Variants in XPNPEP1 observed in about 807,000 individuals in gnomAD.
XPNPEP1 encodes the protein X-prolyl aminopeptidase 1.
In XPNPEP1, 39 loss-of-function variants were observed where a neutral mutation model predicts 92.4. That is an observed-to-expected ratio of 0.42 (90% CI 0.33 to 0.55). XPNPEP1 has a LOEUF of 0.55. XPNPEP1 is among the 20% of genes least tolerant of loss of function. The probability of loss-of-function intolerance (pLI) is 0.08; values close to 1 mark genes in which losing one functional copy is unlikely to be tolerated. For missense variants in XPNPEP1, 654 were observed against 856.1 expected (o/e 0.76, Z 2.95); for synonymous variants, 307 against 299.4 (o/e 1.03, Z -0.26).
intron 3 of XPNPEP1, among the ~76,000 whole-genome samples, chr10:109,898,290 C>T (rs1849090708): frequency 6.6e-6 from 1 of 152,218 alleles, no homozygotes; most frequent in South Asian, 2.1e-4. Flanking sequence ...TGCCGAACAT[C>T]TGATGAACTG....
intron 16 of XPNPEP1, among the ~76,000 whole-genome samples, chr10:109,873,063 T>G (rs1164362964): frequency 6.6e-6 from 1 of 152,240 alleles, no homozygotes; most frequent in African/African-American, 2.4e-5. Context: ...AGCATGTATT[T>G]CACTCTCTCA....
intron 5 of XPNPEP1, among the ~76,000 whole-genome samples, chr10:109,889,917 C>A (rs541668137): frequency 1.3e-5 from 2 of 152,266 alleles, no homozygotes; most frequent in East Asian, 1.9e-4. Context: ...CTATTTGATT[C>A]TTTCCTATTT....
rs2133426482 is a variant in XPNPEP1, at chr10:109,887,698, A to G, written c.652+351T>C. Among the ~76,000 whole-genome samples the G allele has an allele frequency of 1.3e-5, 2 of 152,368 alleles. 1 individual carries two copies. Among genetic ancestry groups the G allele is most frequent in the South Asian group, 4.1e-4 (2 of 4,830 alleles). The stretch of plus-strand genomic sequence containing the variant: ...GTAAATCTACAAATGCTGACATAAG[A>G]AGGGAAATGGAACCTAGAAACCTCT... On this transcript the variant is annotated intron_variant, in intron 7 of 20. Transcript: ENST00000502935.
intron 1 of XPNPEP1, 98 bp from the exon 2 acceptor site, chr10:109,915,197 A>C (rs1001834748): frequency 1.7e-6 from 1 of 577,828 alleles, no homozygotes; most frequent in Admixed American, 3.9e-5. Flanking sequence ...CAGTTCTCTA[A>C]CATGAGTCAG....
chr10:109,881,910 C>G (rs1323503281), intron 10 of XPNPEP1, among the ~76,000 whole-genome samples: 1 of 152,198 alleles, frequency 6.6e-6, no homozygotes, highest in Non-Finnish European at 1.5e-5. Context: ...CCCCAATCCT[C>G]TCTGAGCCTC....
At chr10:109,912,149 T>A (rs1276910049) in intron 2 of XPNPEP1, among the ~76,000 whole-genome samples, 2 of 152,136 alleles carry the variant, frequency 1.3e-5, no homozygotes, top group African/African-American at 2.4e-5. Flanking sequence ...CACAGAATCA[T>A]CAGCTTTATC....
intron 8 of XPNPEP1, 29 bp downstream of exon 8, chr10:109,886,217 T>C (rs1848379636): frequency 6.2e-6 from 10 of 1,610,706 alleles, no homozygotes; most frequent in Non-Finnish European, 8.5e-6. Flanking sequence ...TCGGGTAACA[T>C]GCCCAAACAG....
At position 109,880,946 on chromosome 10, in the gene XPNPEP1, C is replaced by T; in HGVS notation, c.1042-15G>A. 1.9e-6 allele frequency: 3 copies of T among 1,610,936 alleles called. 1 individual carries two copies. In the South Asian group the frequency reaches 3.3e-5, roughly 18 times the overall value. On this transcript the variant is annotated splice_polypyrimidine_tract_variant and intron_variant, in intron 10 of 20. Coordinates refer to ENST00000502935, the MANE Select transcript of XPNPEP1 (RefSeq NM_020383.4). The stretch of plus-strand genomic sequence containing the variant: ...CAGCGGTGGTCCTAGAGGCAAAGGG[C>T]AGTAGGGTGGGAAATCAAACCGGCT...
intron 15 of XPNPEP1, chr10:109,873,656 C>T (rs1847612094): frequency 3.7e-6 from 2 of 533,442 alleles, no homozygotes; most frequent in Non-Finnish European, 6.7e-6. Flanking sequence ...TGAAAACATA[C>T]ATCCACACAA....
Position 109,870,583 on chromosome 10 carries a change from A to T in XPNPEP1, c.1696+148T>A. The T allele has an allele frequency of 2.9e-6, 3 of 1,029,678 alleles. No homozygotes were observed. The South Asian group carries it at 5.5e-5, about 19-fold the overall frequency. 63.8% of individuals were successfully genotyped at this position (1,029,678 alleles called of 1,614,324 possible). ...TCCCATCTCATTTTTTCTAAAATGA[A>T]CATGTATCAGTTCTATAATCAGAAA... On this transcript the variant is annotated intron_variant, in intron 18 of 20. Transcript: ENST00000502935.
At chr10:109,908,866 C>A (rs1356984541) in intron 2 of XPNPEP1, among the ~76,000 whole-genome samples, 3 of 152,172 alleles carry the variant, frequency 2.0e-5, no homozygotes, top group Admixed American at 2.0e-4. Context: ...GAAGAAAGTT[C>A]CGTCCACTAG....
intron 3 of XPNPEP1, among the ~76,000 whole-genome samples, chr10:109,906,023 G>A (rs1013795743): frequency 1.3e-5 from 2 of 152,292 alleles, no homozygotes; most frequent in African/African-American, 4.8e-5. Flanking sequence ...TGACCTTGTC[G>A]CAACCATGTA....
intron 12 of XPNPEP1, chr10:109,878,430 A>G: frequency 5.6e-6 from 1 of 179,702 alleles, no homozygotes. Context: ...GATTACTGAT[A>G]ACAGCAAAAA....
intron 2 of XPNPEP1, among the ~76,000 whole-genome samples, chr10:109,909,098 G>A (rs565546494): frequency 1.1e-4 from 17 of 152,158 alleles, no homozygotes; most frequent in African/African-American, 3.6e-4. Flanking sequence ...GTGAAGCCCC[G>A]TCTCTACTAA....
intron 12 of XPNPEP1, among the ~76,000 whole-genome samples, chr10:109,878,787 G>A (rs1275117304): frequency 2.0e-5 from 3 of 151,196 alleles, no homozygotes; most frequent in East Asian, 1.9e-4. Flanking sequence ...GAGGTGGGAG[G>A]ATCACCTGAG....
In XPNPEP1 at chr10:109,888,088, G is replaced by A. The variant is rs1848496556; in HGVS notation, c.613C>T (p.Pro205Ser). The A allele has an allele frequency of 1.2e-6, 2 of 1,614,122 alleles. No homozygotes were observed. Among genetic ancestry groups the A allele is most frequent in the African/African-American group, 1.3e-5 (1 of 75,056 alleles). The change falls in exon 7 of 21, where the codon CCT (proline) becomes TCT (serine). Residue 205 changes from proline to serine, a missense_variant. Coordinates refer to ENST00000502935, the MANE Select transcript of XPNPEP1 (RefSeq NM_020383.4). The stretch of plus-strand genomic sequence containing the variant: ...CCCAGTGTGAGGAGAGGCTTGCAAG[G>A]GCGCTCAGGACGGTCTGTCCAGATT... ...DKIWTDRPERPCKPLLTLGLD... is the reference protein window; with the variant it reads ...DKIWTDRPERSCKPLLTLGLD...
chr10:109,894,552 T>TAAA (rs5787825), intron 3 of XPNPEP1, among the ~76,000 whole-genome samples: 2 of 121,888 alleles, frequency 1.6e-5, no homozygotes, highest in African/African-American at 6.1e-5. Context: ...AAACAAAAAT[T>TAAA]AAAAAAAAAA....
intron 15 of XPNPEP1, among the ~76,000 whole-genome samples, chr10:109,874,564 C>A (rs1847671562): frequency 6.6e-6 from 1 of 152,218 alleles, no homozygotes; most frequent in Non-Finnish European, 1.5e-5. Context: ...CAAGGCCAGG[C>A]ATGGTTGCCA....
intron 2 of XPNPEP1, among the ~76,000 whole-genome samples, chr10:109,908,767 T>C (rs2133533776): frequency 6.6e-6 from 1 of 152,376 alleles, no homozygotes; most frequent in Non-Finnish European, 1.5e-5. Context: ...AATTATTGTC[T>C]TCTTGTATTT....
Sources: allele counts gnomAD v4.1 joint callset (sites outside exome capture counted in the v4.1 genomes callset), GRCh38; gene constraint gnomAD v4.1.1; transcripts MANE v1.5; gene names NCBI Gene and HGNC (gene_info 2026-07-23, HGNC 2026-07-21).